Variants in CNTNAP2 observed in about 807,000 individuals in gnomAD.
CNTNAP2 encodes contactin associated protein 2.
Under a neutral mutation model 155.2 loss-of-function variants are expected in CNTNAP2, and 98 were observed. The ratio of observed to expected loss-of-function variants is 0.63; its 90% CI spans 0.54 to 0.75. The LOEUF (loss-of-function observed/expected upper bound fraction) is 0.75, where lower values mean the gene tolerates loss of function less well. Among genes scored for constraint, CNTNAP2 ranks in the 30% least tolerant of loss-of-function variants. The pLI is 0.00. For synonymous variants in CNTNAP2, 651 were observed against 631.2 expected (o/e 1.03, Z -0.47); for missense variants, 1,727 against 1,688.1 (o/e 1.02, Z -0.40).
chr7:146,456,475 T>G (rs1448978294), intron 1 of CNTNAP2, among the ~76,000 whole-genome samples: 1 of 152,122 alleles, frequency 6.6e-6, no homozygotes, highest in African/African-American at 2.4e-5. Context: ...ATGGAAAACT[T>G]CCTCTGCTTG....
intron 1 of CNTNAP2, among the ~76,000 whole-genome samples, chr7:146,173,947 C>T (rs932877944): frequency 6.6e-6 from 1 of 152,030 alleles, no homozygotes; most frequent in African/African-American, 2.4e-5. Context: ...TGGCTCAAGC[C>T]TGAAATCTCA....
intron 3 of CNTNAP2, among the ~76,000 whole-genome samples, chr7:146,922,149 A>AT (rs1283124181): frequency 6.6e-6 from 1 of 152,114 alleles, no homozygotes; most frequent in Non-Finnish European, 1.5e-5. Context: ...ATATATATAT[A>AT]AAACAATTGT....
chr7:147,560,269 A>G (rs1201059838), intron 11 of CNTNAP2, among the ~76,000 whole-genome samples: 2 of 150,866 alleles, frequency 1.3e-5, no homozygotes, highest in African/African-American at 2.4e-5. Flanking sequence ...CTGGCAGCCT[A>G]TAGTTGAAAC....
At chr7:146,843,342 C>T (rs1410562939) in intron 3 of CNTNAP2, among the ~76,000 whole-genome samples, 1 of 151,874 alleles carries the variant, frequency 6.6e-6, no homozygotes, top group African/African-American at 2.4e-5. Flanking sequence ...ACCAGATCTC[C>T]TGGGATTTCA....
At chr7:146,260,928 A>C (rs1799910241) in intron 1 of CNTNAP2, among the ~76,000 whole-genome samples, 1 of 152,170 alleles carries the variant, frequency 6.6e-6, no homozygotes, top group African/African-American at 2.4e-5. Context: ...GTTCCCACCC[A>C]AATCTCATCT....
intron 1 of CNTNAP2, among the ~76,000 whole-genome samples, chr7:146,700,466 C>G (rs1800857531): frequency 1.3e-5 from 2 of 151,978 alleles, no homozygotes; most frequent in Admixed American, 1.3e-4. Flanking sequence ...TATGTAGTAA[C>G]TAGATAACTT....
intron 8 of CNTNAP2, among the ~76,000 whole-genome samples, chr7:147,290,206 T>A (rs1377748002): frequency 6.6e-6 from 1 of 152,216 alleles, no homozygotes; most frequent in East Asian, 1.9e-4. Flanking sequence ...ATATTTATCA[T>A]TGATTAAAAC....
At chr7:146,813,768 A>G (rs993606862) in intron 2 of CNTNAP2, among the ~76,000 whole-genome samples, 2 of 152,122 alleles carry the variant, frequency 1.3e-5, no homozygotes, top group African/African-American at 4.8e-5. Context: ...CTCCACCCAA[A>G]TGTCATCTTG....
chr7:147,554,989 G>T (rs1799924770), intron 11 of CNTNAP2, among the ~76,000 whole-genome samples: 1 of 152,140 alleles, frequency 6.6e-6, no homozygotes, highest in Non-Finnish European at 1.5e-5. Context: ...ACTGAGGAGG[G>T]TCTCAAGGTC....
At chr7:146,850,832 A>G (rs1181891143) in intron 3 of CNTNAP2, among the ~76,000 whole-genome samples, 53 of 152,220 alleles carry the variant, frequency 3.5e-4, no homozygotes, top group Admixed American at 3.5e-3. Context: ...GAGCTAGGAT[A>G]GGAAACCAAA....
intron 21 of CNTNAP2, among the ~76,000 whole-genome samples, chr7:148,341,206 GC>G (rs753298387): frequency 6.6e-6 from 1 of 152,094 alleles, no homozygotes; most frequent in African/African-American, 2.4e-5. Context: ...CCTCTTGCCA[GC>G]CCACACTTAT....
At chr7:147,595,992 A>T (rs990235017) in intron 12 of CNTNAP2, among the ~76,000 whole-genome samples, 28 of 152,108 alleles carry the variant, frequency 1.8e-4, no homozygotes, top group African/African-American at 6.5e-4. Context: ...TTTGGCAGTC[A>T]TCTCTTCCAT....
intron 12 of CNTNAP2, among the ~76,000 whole-genome samples, chr7:147,626,748 C>T (rs931595136): frequency 2.3e-4 from 35 of 152,200 alleles, no homozygotes; most frequent in African/African-American, 8.0e-4. Flanking sequence ...TAGAATAACC[C>T]TGATCCCAGG....
chr7:148,053,847 C>G (rs1425066423), intron 15 of CNTNAP2, among the ~76,000 whole-genome samples: 1 of 151,840 alleles, frequency 6.6e-6, no homozygotes, highest in Admixed American at 6.6e-5. Flanking sequence ...GGCTAAAATA[C>G]TTAGGTATTG....
chr7:147,299,970 C>A (rs1794911261), intron 8 of CNTNAP2, among the ~76,000 whole-genome samples, 171 bp from the exon 9 acceptor site: 1 of 152,122 alleles, frequency 6.6e-6, no homozygotes, highest in Non-Finnish European at 1.5e-5. Context: ...AGTATAGAAC[C>A]ACTTATGATG....
At chr7:146,151,291 T>C (rs1324523328) in intron 1 of CNTNAP2, among the ~76,000 whole-genome samples, 2 of 152,020 alleles carry the variant, frequency 1.3e-5, no homozygotes, top group East Asian at 3.9e-4. Context: ...ACTCTGGTCA[T>C]CATACTGTAC....
intron 13 of CNTNAP2, among the ~76,000 whole-genome samples, chr7:147,865,877 T>C (rs184686618): frequency 1.4e-4 from 21 of 152,324 alleles, no homozygotes; most frequent in Admixed American, 2.6e-4. Context: ...AACCAGCTCC[T>C]GGTTTCATTG....
At chr7:148,279,449 G>A (rs2116458323) in intron 21 of CNTNAP2, among the ~76,000 whole-genome samples, 1 of 152,338 alleles carries the variant, frequency 6.6e-6, no homozygotes, top group East Asian at 1.9e-4. Flanking sequence ...GTATTGGCCT[G>A]AATAGCTGGC....
At chr7:146,912,351 C>T (rs1188605884) in intron 3 of CNTNAP2, among the ~76,000 whole-genome samples, 1 of 151,326 alleles carries the variant, frequency 6.6e-6, no homozygotes, top group African/African-American at 2.4e-5. Flanking sequence ...TTTTCTCAAA[C>T]ATGCATACTA....
Sources: allele counts gnomAD v4.1 joint callset (sites outside exome capture counted in the v4.1 genomes callset), GRCh38; gene constraint gnomAD v4.1.1; transcripts MANE v1.5; gene names NCBI Gene and HGNC (gene_info 2026-07-23, HGNC 2026-07-21).